The following WWOX variants were observed in gnomAD, a reference collection of about 807,000 sequenced individuals.
WWOX encodes WW domain-containing oxidoreductase.
Under a neutral mutation model 46.2 loss-of-function variants are expected in WWOX, and 69 were observed. That is an observed-to-expected ratio of 1.49 (90% CI 1.23 to 1.82). The LOEUF (loss-of-function observed/expected upper bound fraction) is 1.82. Among genes scored for constraint, WWOX ranks in the 40% most tolerant of loss-of-function variants. WWOX has a pLI of 0.00. For missense variants in WWOX, 919 were observed against 542.6 expected (o/e 1.69, Z -6.89); for synonymous variants, 359 against 202.6 (o/e 1.77, Z -6.56).
chr16:78,923,990 T>G (rs1187476854), intron 8 of WWOX, among the ~76,000 whole-genome samples: 4 of 151,838 alleles, frequency 2.6e-5, no homozygotes, highest in Admixed American at 1.3e-4. Context: ...TTTGTTTTGT[T>G]TTTTTTAGTA....
intron 8 of WWOX, among the ~76,000 whole-genome samples, chr16:78,851,739 C>G (rs565885628): frequency 6.6e-6 from 1 of 152,138 alleles, no homozygotes; most frequent in Non-Finnish European, 1.5e-5. Context: ...GTGGACCTCC[C>G]CTAAATTTTG....
At chr16:78,941,412 T>A (rs1467193207) in intron 8 of WWOX, among the ~76,000 whole-genome samples, 1 of 152,166 alleles carries the variant, frequency 6.6e-6, no homozygotes, top group Non-Finnish European at 1.5e-5. Flanking sequence ...AGACAGAGCG[T>A]TAGCCGTTGC....
intron 8 of WWOX, among the ~76,000 whole-genome samples, chr16:78,722,415 A>T (rs895254517): frequency 6.6e-6 from 1 of 152,192 alleles, no homozygotes; most frequent in Non-Finnish European, 1.5e-5. Flanking sequence ...ATAGCTGAAA[A>T]GTGACCGTAT....
chr16:79,040,851 A>C (rs892234471), intron 8 of WWOX, among the ~76,000 whole-genome samples: 1 of 151,972 alleles, frequency 6.6e-6, no homozygotes, highest in African/African-American at 2.4e-5. Flanking sequence ...TTTTCCGATC[A>C]CAGAAAGTAA....
At chr16:78,707,661 T>C (rs888777352) in intron 8 of WWOX, among the ~76,000 whole-genome samples, 1 of 151,950 alleles carries the variant, frequency 6.6e-6, no homozygotes. Context: ...GGCGGGTGGA[T>C]CACTTGAGGT....
At chr16:79,016,485 C>G (rs147077967) in intron 8 of WWOX, 1 of 152,382 alleles carries the variant, frequency 6.6e-6, no homozygotes, top group African/African-American at 2.4e-5. Flanking sequence ...TGCAGTGGTG[C>G]AATCTCAGCT....
chr16:79,078,806 GATA>G (rs2048707221), intron 8 of WWOX, among the ~76,000 whole-genome samples: 1 of 152,172 alleles, frequency 6.6e-6, no homozygotes, highest in Non-Finnish European at 1.5e-5. Flanking sequence ...TCCAAGTGGT[GATA>G]ATGAGACCTA....
intron 8 of WWOX, among the ~76,000 whole-genome samples, chr16:78,750,332 G>C (rs1363304556): frequency 6.6e-6 from 1 of 152,146 alleles, no homozygotes; most frequent in Non-Finnish European, 1.5e-5. Context: ...CCCTCCTGTG[G>C]TCTGTAAGAA....
intron 8 of WWOX, among the ~76,000 whole-genome samples, chr16:78,464,035 T>C (rs1414276503): frequency 1.3e-5 from 2 of 151,956 alleles, no homozygotes; most frequent in African/African-American, 4.8e-5. Context: ...CAGTGGGCTG[T>C]TGTAGAGGAG....
At chr16:78,404,838 C>CA (rs2082490249) in intron 6 of WWOX, among the ~76,000 whole-genome samples, 1 of 152,094 alleles carries the variant, frequency 6.6e-6, no homozygotes, top group Admixed American at 6.5e-5. Context: ...GAACACAGGG[C>CA]AGTAAAGTGC....
chr16:78,961,972 G>T (rs1043234507), intron 8 of WWOX, among the ~76,000 whole-genome samples: 26 of 152,236 alleles, frequency 1.7e-4, no homozygotes, highest in African/African-American at 6.3e-4. Flanking sequence ...CCAAGTCTTT[G>T]TTGCCTTAAA....
chr16:78,605,020 C>G (rs1315960972), intron 8 of WWOX, among the ~76,000 whole-genome samples: 5 of 132,720 alleles, frequency 3.8e-5, no homozygotes, highest in Non-Finnish European at 7.9e-5. Flanking sequence ...TTCCCTCCCT[C>G]TCTCCCTTCC....
chr16:78,200,769 A>G (rs943814739), intron 5 of WWOX, among the ~76,000 whole-genome samples: 11 of 152,038 alleles, frequency 7.2e-5, no homozygotes, highest in Non-Finnish European at 1.3e-4. Flanking sequence ...CCACTCGGTT[A>G]TATGTGCTGG....
chr16:78,965,605 C>A (rs1490529255), intron 8 of WWOX, among the ~76,000 whole-genome samples: 2 of 151,900 alleles, frequency 1.3e-5, no homozygotes, highest in Non-Finnish European at 2.9e-5. Flanking sequence ...TTCAGATACA[C>A]AGTCTAATGC....
chr16:78,314,216 C>G (rs948429651), intron 5 of WWOX, among the ~76,000 whole-genome samples: 3 of 151,918 alleles, frequency 2.0e-5, no homozygotes, highest in African/African-American at 7.2e-5. Context: ...ACCATCCTGG[C>G]TAACACAGTG....
chr16:78,983,609 T>C (rs1246423856), intron 8 of WWOX, among the ~76,000 whole-genome samples: 1 of 152,162 alleles, frequency 6.6e-6, no homozygotes, highest in Non-Finnish European at 1.5e-5. Flanking sequence ...TTATATTTTC[T>C]AGACTCTCCT....
chr16:79,167,500 C>G (rs1025750758), intron 8 of WWOX, among the ~76,000 whole-genome samples: 1 of 152,074 alleles, frequency 6.6e-6, no homozygotes, highest in African/African-American at 2.4e-5. Flanking sequence ...CTGGTGTGTC[C>G]ATCATGCACT....
intron 8 of WWOX, among the ~76,000 whole-genome samples, chr16:78,683,001 A>G (rs529354529): frequency 1.3e-5 from 2 of 152,282 alleles, no homozygotes; most frequent in Non-Finnish European, 2.9e-5. Context: ...GTGAGATTTC[A>G]ATAAATGAAT....
At chr16:78,882,446 G>A (rs1175996452) in intron 8 of WWOX, among the ~76,000 whole-genome samples, 1 of 151,466 alleles carries the variant, frequency 6.6e-6, no homozygotes, top group East Asian at 1.9e-4. Flanking sequence ...CACTACAGCT[G>A]GAGAAGGTTC....
Sources: gnomAD v4.1 joint callset for allele counts (sites outside exome capture counted in the v4.1 genomes callset) on GRCh38, gnomAD v4.1.1 for gene constraint, MANE v1.5 for transcripts, NCBI Gene and HGNC (gene_info 2026-07-23, HGNC 2026-07-21) for gene names.